CHRM2: variants seen among roughly 807,000 people sequenced by gnomAD.
CHRM2 encodes the protein muscarinic acetylcholine receptor M2.
Under a neutral mutation model 25.0 loss-of-function variants are expected in CHRM2, and 8 were observed. The ratio of observed to expected loss-of-function variants is 0.32; its 90% CI spans 0.19 to 0.58. The LOEUF (loss-of-function observed/expected upper bound fraction) is 0.58, where lower values mean the gene tolerates loss of function less well. Among genes scored for constraint, CHRM2 ranks in the 20% least tolerant of loss-of-function variants. The pLI is 0.88. For synonymous variants in CHRM2, 202 were observed against 205.7 expected, an observed-to-expected ratio of 0.98 and a Z score of 0.15; for missense variants, 440 against 567.1, an observed-to-expected ratio of 0.78 and a Z score of 2.28.
chr7:136,937,090 T>G (rs1799456736), intron 2 of CHRM2, among the ~76,000 whole-genome samples: 1 of 152,204 alleles, frequency 6.6e-6, no homozygotes, highest in Admixed American at 6.5e-5. Context: ...TCTGAGTGTC[T>G]CTAGCCCCAA....
At chr7:136,929,071 A>T (rs546852436) in intron 2 of CHRM2, among the ~76,000 whole-genome samples, 1 of 152,198 alleles carries the variant, frequency 6.6e-6, no homozygotes, top group East Asian at 1.9e-4. Flanking sequence ...ACGATATGCG[A>T]TCACGTGAAG....
At chr7:136,990,648 T>C (rs1803162885) in intron 2 of CHRM2, among the ~76,000 whole-genome samples, 1 of 152,222 alleles carries the variant, frequency 6.6e-6, no homozygotes, top group Non-Finnish European at 1.5e-5. Context: ...TTCCACATTA[T>C]GGCAATTATA....
intron 2 of CHRM2, chr7:136,938,604 T>A: frequency 1.1e-6 from 1 of 881,544 alleles, no homozygotes; most frequent in Non-Finnish European, 1.9e-6. Flanking sequence ...CGAAAGCTGC[T>A]GCTGTCCACT....
intron 2 of CHRM2, among the ~76,000 whole-genome samples, chr7:136,934,341 C>A (rs62485251): frequency 0.03 from 4,485 of 151,952 alleles, 98 homozygotes; most frequent in Middle Eastern, 0.071. Flanking sequence ...ATTTTTTATT[C>A]TTATGTCCAC....
intron 2 of CHRM2, among the ~76,000 whole-genome samples, chr7:136,986,027 G>A (rs1022838743): frequency 3.3e-5 from 5 of 152,062 alleles, no homozygotes; most frequent in Admixed American, 6.6e-5. Flanking sequence ...TTATATAAAT[G>A]AATGGATTCT....
At chr7:137,010,869 C>T (rs1804758607) in intron 3 of CHRM2, among the ~76,000 whole-genome samples, 1 of 151,850 alleles carries the variant, frequency 6.6e-6, no homozygotes, top group Admixed American at 6.6e-5. Context: ...CTAACAATTC[C>T]ACACGTTACT....
At chr7:136,887,950 G>A (rs528118857) in intron 2 of CHRM2, among the ~76,000 whole-genome samples, 30 of 151,910 alleles carry the variant, frequency 2.0e-4, no homozygotes, top group African/African-American at 7.0e-4. Flanking sequence ...ACCTCAGCTC[G>A]GGAATCTTTG....
At chr7:136,935,134 G>C (rs962198540) in intron 2 of CHRM2, among the ~76,000 whole-genome samples, 1 of 152,076 alleles carries the variant, frequency 6.6e-6, no homozygotes, top group Non-Finnish European at 1.5e-5. Context: ...AGAAGAGCCA[G>C]GGAAATTGCA....
At chr7:136,878,763 T>C (rs1796146197) in intron 2 of CHRM2, among the ~76,000 whole-genome samples, 1 of 151,954 alleles carries the variant, frequency 6.6e-6, no homozygotes, top group Non-Finnish European at 1.5e-5. Flanking sequence ...CTAAACAACT[T>C]ATTCCAGGTC....
intron 2 of CHRM2, among the ~76,000 whole-genome samples, chr7:136,944,211 C>CCAATGTGTCGT (rs1799934269): frequency 2.0e-5 from 3 of 151,988 alleles, no homozygotes; most frequent in African/African-American, 7.2e-5. Flanking sequence ...TACACTGTAC[C>CCAATGTGTCGT]CAATGTGTCG....
At chr7:136,987,441 G>T (rs980874353) in intron 2 of CHRM2, among the ~76,000 whole-genome samples, 1 of 152,180 alleles carries the variant, frequency 6.6e-6, no homozygotes, top group Non-Finnish European at 1.5e-5. Context: ...AAAATCAGAG[G>T]TCAAAAGACA....
intron 2 of CHRM2, among the ~76,000 whole-genome samples, chr7:136,987,035 A>G (rs1388616422): frequency 6.6e-6 from 1 of 152,134 alleles, no homozygotes; most frequent in Non-Finnish European, 1.5e-5. Context: ...ACCAAACAAA[A>G]ACTGATTTTC....
intron 3 of CHRM2, among the ~76,000 whole-genome samples, chr7:137,010,849 G>C (rs1804757739): frequency 2.0e-5 from 3 of 151,856 alleles, no homozygotes. Flanking sequence ...GTTCATCACT[G>C]TCCTGCTGCC....
intron 2 of CHRM2, among the ~76,000 whole-genome samples, chr7:136,880,617 C>T (rs1165123303): frequency 6.6e-6 from 1 of 151,552 alleles, no homozygotes; most frequent in Non-Finnish European, 1.5e-5. Flanking sequence ...TTTTTTCTTG[C>T]TGCAATAGTT....
At chr7:136,915,795 C>T (rs1028677775) in intron 2 of CHRM2, among the ~76,000 whole-genome samples, 11 of 150,570 alleles carry the variant, frequency 7.3e-5, no homozygotes, top group Non-Finnish European at 1.5e-4. Context: ...TGACTCCAAA[C>T]AATAAAAAAT....
intron 2 of CHRM2, among the ~76,000 whole-genome samples, chr7:136,948,442 A>AGCGGAAGTG (rs1800199113): frequency 1.3e-5 from 2 of 152,174 alleles, no homozygotes; most frequent in Non-Finnish European, 2.9e-5. Context: ...ACTGGAAATG[A>AGCGGAAGTG]GCGGAAGTGA....
At chr7:136,875,069 A>G (rs1795995786) in intron 2 of CHRM2, among the ~76,000 whole-genome samples, 2 of 148,676 alleles carry the variant, frequency 1.3e-5, no homozygotes, top group Non-Finnish European at 3.0e-5. Context: ...GTATGTGTGT[A>G]TATATATACA....
At chr7:136,999,771 C>T (rs1305929139) in intron 3 of CHRM2, among the ~76,000 whole-genome samples, 5 of 152,098 alleles carry the variant, frequency 3.3e-5, no homozygotes, top group South Asian at 2.1e-4. Context: ...AACTGCTTCC[C>T]GATACTACAT....
intron 3 of CHRM2, among the ~76,000 whole-genome samples, chr7:136,995,107 T>C (rs941621192): frequency 6.6e-6 from 1 of 152,168 alleles, no homozygotes; most frequent in Non-Finnish European, 1.5e-5. Flanking sequence ...TATATTAATA[T>C]ATCCTATACA....
Sources: allele counts gnomAD v4.1 joint callset (sites outside exome capture counted in the v4.1 genomes callset), GRCh38; gene constraint gnomAD v4.1.1; transcripts MANE v1.5; gene names NCBI Gene and HGNC (gene_info 2026-07-23, HGNC 2026-07-21).